PCDHA2: variants seen among roughly 807,000 people sequenced by gnomAD.
PCDHA2 encodes protocadherin alpha 2.
In PCDHA2, 58 loss-of-function variants were observed where a neutral mutation model predicts 66.0. The observed-to-expected ratio is 0.88, with a 90% CI of 0.71 to 1.09. PCDHA2 has a LOEUF of 1.09. PCDHA2 is among the 50% of genes least tolerant of loss of function. The pLI is 0.00. For missense variants in PCDHA2, 1,267 were observed against 1,242.3 expected, an observed-to-expected ratio of 1.02 and a Z score of -0.30; for synonymous variants, 634 against 554.0, an observed-to-expected ratio of 1.14 and a Z score of -2.03.
At position 140,848,444 on chromosome 5, in the gene PCDHA2, C is replaced by T. The variant is rs2150410443; in HGVS notation, c.2388+51092C>T. 2.3e-5 allele frequency: 35 copies of T among 1,498,894 alleles called. 1 individual carries two copies. Among genetic ancestry groups the T allele is most frequent in the Non-Finnish European group, 2.9e-5 (32 of 1,100,132 alleles). The allele number at this position is 1,498,894 out of a possible 1,614,324, so 92.8% of individuals were successfully genotyped here. On this transcript the variant is annotated intron_variant, in intron 1 of 3. Coordinates refer to ENST00000526136, the MANE Select transcript of PCDHA2 (RefSeq NM_018905.3). ...TGGGACTGACGAAATCAGATGATTT[C>T]TTCTAATTTGGAGGCAATTTTCACT... is the stretch of plus-strand genomic sequence containing the variant.
intron 2 of PCDHA2, among the ~76,000 whole-genome samples, chr5:140,981,839 A>T (rs950232298): frequency 6.6e-6 from 1 of 152,116 alleles, no homozygotes; most frequent in Non-Finnish European, 1.5e-5. Flanking sequence ...AAGGTCTCCC[A>T]GTTTGTATCT....
In PCDHA2 at chr5:140,822,776, AAGT is replaced by A. The variant is rs2150119362; in HGVS notation, c.2388+25431_2388+25433del. On this transcript the variant is annotated intron_variant, in intron 1 of 3. Coordinates refer to ENST00000526136, the MANE Select transcript of PCDHA2 (RefSeq NM_018905.3). ...ACATTCCCATTATCAGGACACTGTA[AAGT>A]AGTAGTGAAACTCCTGGATGTGAAT... The A allele has an allele frequency of 3.7e-6, 6 of 1,614,134 alleles. No individual in the cohort carries two copies. In the South Asian group the frequency reaches 6.6e-5, roughly 18 times the overall value.
intron 1 of PCDHA2, chr5:140,830,439 T>C (rs1771065522): frequency 1.9e-6 from 3 of 1,611,042 alleles, no homozygotes; most frequent in East Asian, 4.5e-5. Flanking sequence ...CCTATTATGA[T>C]GGGTAAGGCG....
intron 1 of PCDHA2, chr5:140,969,338 C>G: frequency 1.1e-5 from 18 of 1,613,914 alleles, no homozygotes; most frequent in Non-Finnish European, 1.4e-5. Context: ...TGAGGTGAGA[C>G]AGTGGTCAGG....
At chr5:140,916,978 C>T (rs907014572) in intron 1 of PCDHA2, among the ~76,000 whole-genome samples, 13 of 152,270 alleles carry the variant, frequency 8.5e-5, no homozygotes, top group South Asian at 2.1e-4. Context: ...ATGAGTGATT[C>T]GCCTCTGGCC....
At chr5:140,832,306 A>C (rs1050909955) in intron 1 of PCDHA2, among the ~76,000 whole-genome samples, 2 of 152,188 alleles carry the variant, frequency 1.3e-5, no homozygotes, top group East Asian at 3.8e-4. Context: ...CCACATTTAA[A>C]AGTTGCTTAA....
At chr5:140,924,416 T>G (rs1283567998) in intron 1 of PCDHA2, among the ~76,000 whole-genome samples, 1 of 152,192 alleles carries the variant, frequency 6.6e-6, no homozygotes, top group African/African-American at 2.4e-5. Context: ...CAGTGTGCCC[T>G]TTCTAGTTCC....
intron 1 of PCDHA2, chr5:140,807,066 C>A (rs1197235806): frequency 1.3e-5 from 15 of 1,141,378 alleles, no homozygotes; most frequent in Admixed American, 9.1e-5. Flanking sequence ...CTGGAAGGAA[C>A]CATATACACT....
rs571034520 is a variant in PCDHA2 at position 140,922,140 on chromosome 5, A to G, written c.2389-56809A>G. ...CACCTTTAAATGTCTCTTATCCTCC[A>G]TGAAACTCATCAAAAACAACAAAAA... On this transcript the variant is annotated intron_variant, in intron 1 of 3. Coordinates refer to ENST00000526136, the MANE Select transcript of PCDHA2 (RefSeq NM_018905.3). Among the ~76,000 whole-genome samples the G allele has an allele frequency of 6.6e-5, 10 of 152,202 alleles. No individual in the cohort carries two copies. The East Asian group carries it at 1.9e-3, about 29-fold the overall frequency.
intron 1 of PCDHA2, among the ~76,000 whole-genome samples, chr5:140,896,631 C>A (rs1583239619): frequency 6.6e-6 from 1 of 152,014 alleles, no homozygotes; most frequent in East Asian, 1.9e-4. Context: ...CCTGCCTTGG[C>A]CTCCCAAAGT....
intron 1 of PCDHA2, among the ~76,000 whole-genome samples, chr5:140,885,615 AAT>A (rs1411025177): frequency 6.6e-6 from 1 of 152,162 alleles, no homozygotes; most frequent in African/African-American, 2.4e-5. Context: ...TTAATTATAA[AAT>A]ATGTCACTGG....
rs1562165837 is a variant in PCDHA2, at chr5:140,797,147, C to T, written c.2183C>T (p.Thr728Ile). Residue 728 changes from threonine to isoleucine, a missense_variant, in exon 1 of 4, where the codon ACC becomes ATC. Transcript: ENST00000526136. Reference sequence around the variant, plus strand: ...GCGCTGCGGTGCTCGGTGCCACCCACCGAGGGTGCGCGCGCGCCAGGAAAG... The same window carrying T: ...GCGCTGCGGTGCTCGGTGCCACCCATCGAGGGTGCGCGCGCGCCAGGAAAG... ...YTALRCSVPP[T>I]EGARAPGKPT... is the part of the protein sequence containing the mutation. 3 of 1,613,838 alleles carry T rather than the reference C, an allele frequency of 1.9e-6. No homozygotes were observed. The highest frequency in any genetic ancestry group is 1.3e-5 in the African/African-American group (1 of 74,938).
chr5:140,954,442 G>C (rs2095039188), intron 1 of PCDHA2, among the ~76,000 whole-genome samples: 1 of 151,940 alleles, frequency 6.6e-6, no homozygotes, highest in South Asian at 2.1e-4. Flanking sequence ...GTTGTTTCTG[G>C]ACTTGTTAAT....
chr5:140,843,007 G>A, intron 1 of PCDHA2: 1 of 1,594,980 alleles, frequency 6.3e-7, no homozygotes, highest in Non-Finnish European at 8.6e-7. Context: ...ATGACAACGC[G>A]CCGGCACTGC....
intron 1 of PCDHA2, chr5:140,828,272 C>G: frequency 6.2e-7 from 1 of 1,614,040 alleles, no homozygotes. Context: ...GGAGCTGGTG[C>G]CGCGCCTGTT....
chr5:140,862,903 C>T lies in PCDHA2; in HGVS notation c.2388+65551C>T, dbSNP rs7714617. 5.0e-3 allele frequency: 2,780 copies of T among 551,318 alleles called. 56 individuals are homozygous for T. Among genetic ancestry groups the T allele is most frequent in the African/African-American group, 0.05 (2,518 of 50,680 alleles). 34.2% of individuals were successfully genotyped at this position (551,318 alleles called of 1,614,324 possible). ...TGCTGGAACGACAACTTTGTCTGCG[C>T]TGCTGGCGCCTTGGGTGGGCTGGCG... On this transcript the variant is annotated intron_variant, in intron 1 of 3. Transcript: ENST00000526136.
intron 1 of PCDHA2, among the ~76,000 whole-genome samples, chr5:140,826,810 A>G (rs967929234): frequency 6.6e-6 from 1 of 152,172 alleles, no homozygotes; most frequent in African/African-American, 2.4e-5. Flanking sequence ...CTAACATGTG[A>G]TTACATATTA....
chr5:140,800,932 T>G (rs1206678504), intron 1 of PCDHA2: 3 of 799,102 alleles, frequency 3.8e-6, no homozygotes, highest in Non-Finnish European at 5.1e-6. Flanking sequence ...CTAGAAATTT[T>G]GGGAAAGTTC....
chr5:140,977,077 C>A (rs1303374839), intron 1 of PCDHA2, among the ~76,000 whole-genome samples: 1 of 152,138 alleles, frequency 6.6e-6, no homozygotes, highest in Non-Finnish European at 1.5e-5. Context: ...AGCAGCATGA[C>A]AAATTAAATG....
Sources: gnomAD v4.1 joint callset for allele counts (sites outside exome capture counted in the v4.1 genomes callset) on GRCh38, gnomAD v4.1.1 for gene constraint, MANE v1.5 for transcripts, NCBI Gene and HGNC (gene_info 2026-07-23, HGNC 2026-07-21) for gene names.